The following AHNAK2 variants were observed in gnomAD, a reference collection of about 807,000 sequenced individuals.
AHNAK2 encodes AHNAK nucleoprotein 2, also known as protein AHNAK2.
Under a neutral mutation model 30.7 loss-of-function variants are expected in AHNAK2, and 18 were observed. That is an observed-to-expected ratio of 0.59 (90% CI 0.41 to 0.87). The LOEUF (loss-of-function observed/expected upper bound fraction) is 0.87, where lower values mean the gene tolerates loss of function less well. Among genes scored for constraint, AHNAK2 ranks in the 40% least tolerant of loss-of-function variants. The pLI, the probability that AHNAK2 is intolerant of heterozygous loss-of-function variation, is 0.00. For synonymous variants in AHNAK2, 3,590 were observed against 3,073.8 expected (o/e 1.17, Z -5.56); for missense variants, 8,604 against 7,373.0 (o/e 1.17, Z -6.11).
In AHNAK2 at chr14:104,953,171, C is replaced by T. The variant is rs749289818; in HGVS notation, c.2280G>A (p.Lys760=). The T allele has an allele frequency of 2.5e-6, 4 of 1,612,702 alleles. No individual in the cohort carries two copies. The highest frequency in any genetic ancestry group is 4.5e-5 in the East Asian group (2 of 44,802). The part of the protein sequence containing the change: ...EGASLKGHLP[K]VQRPSLKMPK... ...GCATCTTCAAACTGGGCCTCTGCAC[C>T]TTGGGCAGGTGCCCTTTGAGGCTGG... Residue 760 remains lysine, a synonymous_variant, in exon 7 of 7, where the codon AAG becomes AAA. Transcript: ENST00000333244.
Position 104,940,071 on chromosome 14 carries a change from A to AGAT in AHNAK2, c.15377_15379dup (p.Asp5126_Leu5127insHis). On this transcript the variant is annotated inframe_insertion, in exon 7 of 7. Coordinates refer to ENST00000333244, the MANE Select transcript of AHNAK2 (RefSeq NM_138420.4). The surrounding 1 kb of genome is among the most constrained non-coding windows in gnomAD (Gnocchi z 4.4). Reference sequence around the variant, plus strand: ...TCCTCTGCTGTCACCTTCGGTAGACAGATCATGTTTGGGAAGAGGCAGGTC... The same window carrying AGAT: ...TCCTCTGCTGTCACCTTCGGTAGACAGATGATCATGTTTGGGAAGAGGCAGGTC... 6.2e-7 allele frequency: 1 copy of AGAT among 1,611,606 alleles called. No individual in the cohort carries two copies. The highest frequency in any genetic ancestry group is 1.1e-5 in the South Asian group (1 of 91,012).
intron 1 of AHNAK2, among the ~76,000 whole-genome samples, chr14:104,963,838 A>G: frequency 6.6e-6 from 1 of 151,350 alleles, no homozygotes; most frequent in East Asian, 1.9e-4. Flanking sequence ...TAAAAAAAAA[A>G]AAGAAAAAAA....
rs748294404 is a variant in AHNAK2, at chr14:104,943,372, C to A, written c.12079G>T (p.Val4027Phe). The part of the protein sequence containing the change: ...SVQPPSADLE[V>F]QAGQVDVKLP... ...TTCACGTCCACTTGGCCAGCCTGGA[C>A]CTCCAGGTCAGCGGAAGGGGGCTGA... is the stretch of plus-strand genomic sequence containing the variant. Residue 4027 changes from valine (V) to phenylalanine (F), a missense_variant, in exon 7 of 7, where the codon GTC (valine) becomes TTC (phenylalanine). Transcript: ENST00000333244. 3.1e-6 allele frequency: 5 copies of A among 1,613,046 alleles called. No individual in the cohort carries two copies. The highest frequency in any genetic ancestry group is 4.2e-6 in the Non-Finnish European group (5 of 1,179,608).
In AHNAK2 at chr14:104,957,453, G is replaced by A. The variant is rs1260890812; in HGVS notation, c.170C>T (p.Pro57Leu). 1 of 1,601,348 alleles carries A rather than the reference G, an allele frequency of 6.2e-7. No homozygotes were observed. Among genetic ancestry groups the A allele is most frequent in the African/African-American group, 1.3e-5 (1 of 74,730 alleles). ...GIRPRPQGSSPVYEYTTEAAD... is the reference protein window; with the variant it reads ...GIRPRPQGSSLVYEYTTEAAD... Reference sequence around the variant, plus strand: ...AGCCTCAGTCGTGTATTCGTAGACAGGTGAAGACCCCTGCGGCCGTGGTCG... The same window carrying A: ...AGCCTCAGTCGTGTATTCGTAGACAAGTGAAGACCCCTGCGGCCGTGGTCG... The change falls in exon 3 of 7, where the codon CCT (proline) becomes CTT (leucine). Residue 57 changes from proline to leucine, a missense_variant. Pro to Leu is a moderately conservative substitution (Grantham distance 98, BLOSUM62 -3). Transcript: ENST00000333244.
Position 104,938,756 on chromosome 14 carries a change from A to T in AHNAK2, c.16695T>A (p.Asp5565Glu). 6.2e-7 allele frequency: 1 copy of T among 1,613,876 alleles called. No individual in the cohort carries two copies. ...ATPGVDSISG[D>E]LQPDTGEPFE... ...ATGGTTCTCCAGTGTCAGGCTGGAG[A>T]TCTCCAGAAATGGAGTCTACTCCTG... Residue 5565 changes from aspartate to glutamate, a missense_variant, in exon 7 of 7, where the codon GAT becomes GAA. Asp to Glu is a conservative substitution (Grantham distance 45). Coordinates refer to ENST00000333244, the MANE Select transcript of AHNAK2 (RefSeq NM_138420.4).
Position 104,954,096 on chromosome 14 carries a change from C to A in AHNAK2, c.1355G>T (p.Gly452Val). The A allele has an allele frequency of 1.2e-6, 2 of 1,612,882 alleles. No homozygotes were observed. The highest frequency in any genetic ancestry group is 4.5e-5 in the East Asian group (2 of 44,884). The change falls in exon 7 of 7, where the codon GGC becomes GTC. Residue 452 changes from glycine (G) to valine (V), a missense_variant. Physicochemically the swap from Gly to Val is moderately radical, Grantham distance 109. Coordinates refer to ENST00000333244, the MANE Select transcript of AHNAK2 (RefSeq NM_138420.4). The surrounding 1 kb of genome is among the most constrained non-coding windows in gnomAD (Gnocchi z 4.3). ...PTPGMSREGE[G>V]EGLQSLEIGI... ...GATTTCCAGGCTCTGCAGTCCCTCG[C>A]CTTCACCCTCCCGGCTCATTCCAGG...
Position 104,942,932 on chromosome 14 carries a change from C to T in AHNAK2, c.12519G>A (p.Gln4173=), listed in dbSNP as rs202032988. Residue 4173 remains glutamine, a synonymous_variant, in exon 7 of 7, where the codon CAG becomes CAA. Transcript: ENST00000333244. The part of the protein sequence containing the change: ...AKADVSLPSM[Q]GDLKTTDLSI... ...TGAGGTCAGTGGTCTTGAGGTCCCC[C>T]TGCATGGAGGGGAGGCTCACGTCGG... 1,566 of 1,613,364 alleles carry T rather than the reference C, an allele frequency of 9.7e-4. 12 individuals are homozygous for T. The African/African-American group carries it at 0.015, about 15-fold the overall frequency.
At position 104,952,147 on chromosome 14, in the gene AHNAK2, C is replaced by T. The variant is rs766142927; in HGVS notation, c.3304G>A (p.Asp1102Asn). 1 of 1,612,472 alleles carries T rather than the reference C, an allele frequency of 6.2e-7. No individual in the cohort carries two copies. The highest frequency in any genetic ancestry group is 1.1e-5 in the South Asian group (1 of 90,978). The change falls in exon 7 of 7, where the codon GAC (aspartate) becomes AAC (asparagine). Residue 1102 changes from aspartate (D) to asparagine (N), a missense_variant. Coordinates refer to ENST00000333244, the MANE Select transcript of AHNAK2 (RefSeq NM_138420.4). ...AGGTCCAGCTTGGGGCCCTTGACGT[C>T]CACCTGGGGGCCCTTGAGGGCCACT... ...PKVALKGPQV[D>N]VKGPKLDLKS... is the part of the protein sequence containing the mutation.
rs776836557 is a variant in AHNAK2 at position 104,938,594 on chromosome 14, G to A, written c.16857C>T (p.Ser5619=). The A allele has an allele frequency of 6.2e-7, 1 of 1,613,186 alleles. No homozygotes were observed. The highest frequency in any genetic ancestry group is 1.3e-5 in the African/African-American group (1 of 75,058). Residue 5619 remains serine, a synonymous_variant, in exon 7 of 7, where the codon AGC becomes AGT. Transcript: ENST00000333244. ...AEILEFPPDD[S]QEATTPLADE... is the part of the protein sequence containing the mutation. ...CTGCCAGTGGTGTGGTTGCCTCTTGGCTATCATCAGGGGGAAACTCAAGAA... is the reference window on the plus strand; with the variant it reads ...CTGCCAGTGGTGTGGTTGCCTCTTGACTATCATCAGGGGGAAACTCAAGAA...
intron 1 of AHNAK2, among the ~76,000 whole-genome samples, chr14:104,960,642 G>C (rs1595428149): frequency 6.6e-6 from 1 of 152,290 alleles, no homozygotes; most frequent in South Asian, 2.1e-4. Flanking sequence ...CTGGGAGTGG[G>C]AAGGGAGATT....
At chr14:104,973,703 G>A (rs761055450) in intron 1 of AHNAK2, among the ~76,000 whole-genome samples, 7 of 152,130 alleles carry the variant, frequency 4.6e-5, no homozygotes, top group East Asian at 1.9e-4. Flanking sequence ...ATCCCTTTCC[G>A]GACTCCTGCC....
rs770035834 is a variant in AHNAK2 at position 104,948,703 on chromosome 14, C to T, written c.6748G>A (p.Asp2250Asn). ...ATGTCTATTTCGGGGCCCTTGAGGT[C>T]CACTTTGGGCACCTTGAAACTGGGC... is the stretch of plus-strand genomic sequence containing the variant. ...QMPSFKVPKV[D>N]LKGPEIDIKG... The change falls in exon 7 of 7, where the codon GAC becomes AAC. Residue 2250 changes from aspartate (D) to asparagine (N), a missense_variant. Transcript: ENST00000333244. The T allele has an allele frequency of 3.1e-6, 5 of 1,611,046 alleles. No homozygotes were observed. Among genetic ancestry groups the T allele is most frequent in the Non-Finnish European group, 4.2e-6 (5 of 1,179,274 alleles).
At position 104,942,092 on chromosome 14, in the gene AHNAK2, G is replaced by C; in HGVS notation, c.13359C>G (p.Asp4453Glu). 2.5e-6 allele frequency: 4 copies of C among 1,612,956 alleles called. No individual in the cohort carries two copies. The highest frequency in any genetic ancestry group is 3.4e-6 in the Non-Finnish European group (4 of 1,179,630). The part of the protein sequence containing the change: ...TRLEGDLSLA[D>E]KDVTAKDSKF... ...TGCTGTCTTTGGCAGTCACGTCCTT[G>C]TCAGCCAGGGACAGGTCCCCCTCCA... The change falls in exon 7 of 7, where the codon GAC becomes GAG. Residue 4453 changes from aspartate to glutamate, a missense_variant. Physicochemically the swap from Asp to Glu is conservative, Grantham distance 45 (BLOSUM62 2). Coordinates refer to ENST00000333244, the MANE Select transcript of AHNAK2 (RefSeq NM_138420.4).
In AHNAK2 at chr14:104,942,622, T is replaced by C. The variant is rs201119759; in HGVS notation, c.12829A>G (p.Ser4277Gly). 125 of 1,612,740 alleles carry C rather than the reference T, an allele frequency of 7.8e-5. No homozygotes were observed. The African/African-American group carries it at 1.0e-3, about 13-fold the overall frequency. Residue 4277 changes from serine to glycine, a missense_variant, in exon 7 of 7, where the codon AGT (serine) becomes GGT (glycine). Ser to Gly is a moderately conservative substitution (Grantham distance 56, BLOSUM62 0). Transcript: ENST00000333244. ...DVEAPGAKLD[S>G]VRLEGDLSLA... ...GACAGGTCACCCTCCAGCCGCACAC[T>C]GTCCAGCTTGGCTCCCGGGGCCTCG...
rs183718030 is a variant in AHNAK2 at position 104,944,576 on chromosome 14, G to A, written c.10875C>T (p.Ser3625=). 2,365 of 1,613,148 alleles carry A rather than the reference G, an allele frequency of 1.5e-3. 32 individuals are homozygous for A. The East Asian group carries it at 0.016, about 11-fold the overall frequency. The stretch of plus-strand genomic sequence containing the variant: ...TGGCAGTCACGTCCTTGTCAGCCAG[G>A]GACAGGTCTCCCTCCAGCCGCCCAG... The part of the protein sequence containing the change: ...LDAGRLEGDL[S]LADKDVTAKD... The change falls in exon 7 of 7, where the codon TCC becomes TCT. Residue 3625 remains serine, a synonymous_variant. Coordinates refer to ENST00000333244, the MANE Select transcript of AHNAK2 (RefSeq NM_138420.4).
In AHNAK2 at chr14:104,953,013, G is replaced by A. The variant is rs753666432; in HGVS notation, c.2438C>T (p.Ala813Val). 2.0e-5 allele frequency: 33 copies of A among 1,612,672 alleles called. 1 individual carries two copies. The highest frequency in any genetic ancestry group is 1.5e-4 in the African/African-American group (11 of 74,328). ...VQAPRAKLDG[A>V]RLEGDLSLAD... ...CAGGGACAGGTCCCCCTCCAGCCGCGCACCATCCAGCTTTGCTCTCGGGGC... is the reference window on the plus strand; with the variant it reads ...CAGGGACAGGTCCCCCTCCAGCCGCACACCATCCAGCTTTGCTCTCGGGGC... Residue 813 changes from alanine (A) to valine (V), a missense_variant, in exon 7 of 7, where the codon GCG becomes GTG. By Grantham distance (64) the Ala-to-Val change is moderately conservative. Transcript: ENST00000333244.
chr14:104,960,729 C>G (rs965873676), intron 1 of AHNAK2, among the ~76,000 whole-genome samples: 2 of 152,168 alleles, frequency 1.3e-5, no homozygotes, highest in African/African-American at 2.4e-5. Flanking sequence ...GTTTGCACAA[C>G]TCTATAAGGT....
At position 104,948,400 on chromosome 14, in the gene AHNAK2, C is replaced by T. The variant is rs143837018; in HGVS notation, c.7051G>A (p.Asp2351Asn). ...ADVSALKVEA[D>N]VSLPSMQGDL... ...CCCTGCATGGAGGGGAGGCTCACGTCGGCCTCCACCTTCAACGCAGACACA... is the reference window on the plus strand; with the variant it reads ...CCCTGCATGGAGGGGAGGCTCACGTTGGCCTCCACCTTCAACGCAGACACA... The change falls in exon 7 of 7, where the codon GAC (aspartate) becomes AAC (asparagine). Residue 2351 changes from aspartate to asparagine, a missense_variant. Physicochemically the swap from Asp to Asn is conservative, Grantham distance 23. Transcript: ENST00000333244. 0.013 allele frequency: 21,063 copies of T among 1,612,472 alleles called. 215 individuals carry two copies. Among genetic ancestry groups the T allele is most frequent in the Non-Finnish European group, 0.015 (18,057 of 1,179,624 alleles).
Position 104,938,225 on chromosome 14 carries a change from A to G in AHNAK2, c.17226T>C (p.Pro5742=), listed in dbSNP as rs564268825. ...TFFDARESFS[P]EEKEEGELIG... The stretch of plus-strand genomic sequence containing the variant: ...TCAGTTCACCCTCTTCCTTCTCTTC[A>G]GGGGAGAAACTTTCTCGGGCATCAA... Residue 5742 remains proline (P), a synonymous_variant, in exon 7 of 7, where the codon CCT becomes CCC. Coordinates refer to ENST00000333244, the MANE Select transcript of AHNAK2 (RefSeq NM_138420.4). The G allele has an allele frequency of 6.2e-7, 1 of 1,613,824 alleles. No homozygotes were observed. The highest frequency in any genetic ancestry group is 1.1e-5 in the South Asian group (1 of 91,054).
Sources: allele counts gnomAD v4.1 joint callset (sites outside exome capture counted in the v4.1 genomes callset), GRCh38; gene constraint gnomAD v4.1.1; non-coding constraint Gnocchi (gnomAD v3.1); transcripts MANE v1.5; gene names NCBI Gene and HGNC (gene_info 2026-07-23, HGNC 2026-07-21).